TENT4B: variants seen among roughly 807,000 people sequenced by gnomAD.
TENT4B encodes the protein terminal nucleotidyltransferase 4B, also known as PAP associated domain containing 5.
Under a neutral mutation model 75.0 loss-of-function variants are expected in TENT4B, and 10 were observed. The observed-to-expected ratio is 0.13, with a 90% CI of 0.08 to 0.23. TENT4B has a LOEUF of 0.23. Ranked by LOEUF, TENT4B falls within the 10% of genes least tolerant of loss-of-function variation. TENT4B has a pLI of 1.00. For missense variants in TENT4B, 579 were observed against 893.8 expected, an observed-to-expected ratio of 0.65 and a Z score of 4.49; for synonymous variants, 350 against 357.7, an observed-to-expected ratio of 0.98 and a Z score of 0.24.
At chr16:50,175,102 A>C (rs1473267560) in intron 1 of TENT4B, among the ~76,000 whole-genome samples, 1 of 151,912 alleles carries the variant, frequency 6.6e-6, no homozygotes, top group Non-Finnish European at 1.5e-5. Flanking sequence ...TATGAGATCA[A>C]CTTTTTTTTA....
chr16:50,209,869 G>A (rs1210871962), intron 1 of TENT4B, among the ~76,000 whole-genome samples: 1 of 152,242 alleles, frequency 6.6e-6, no homozygotes, highest in Non-Finnish European at 1.5e-5. Flanking sequence ...TGTAGCAAAA[G>A]TTATAGTCTT....
At chr16:50,210,117 A>G (rs1263239444) in intron 1 of TENT4B, among the ~76,000 whole-genome samples, 1 of 152,040 alleles carries the variant, frequency 6.6e-6, no homozygotes, top group East Asian at 1.9e-4. Flanking sequence ...CTTCTGGTCT[A>G]TCCCAGTTGG....
At chr16:50,215,937 T>G in intron 3 of TENT4B, 138 bp from the exon 4 acceptor site, 3 of 991,806 alleles carry the variant, frequency 3.0e-6, no homozygotes, top group Non-Finnish European at 4.4e-6. Context: ...AAAACCATTA[T>G]CACCAACACA....
At position 50,233,707 on chromosome 16, in the gene TENT4B, T is replaced by C; in HGVS notation, c.*4379T>C. The C allele has an allele frequency of 1.0e-6, 1 of 984,916 alleles. No individual in the cohort carries two copies. Among genetic ancestry groups the C allele is most frequent in the Non-Finnish European group, 1.2e-6 (1 of 829,492 alleles). The allele number at this position is 984,916 out of a possible 1,614,324, so 61.0% of individuals were successfully genotyped here. On this transcript the variant is annotated 3_prime_UTR_variant, in exon 12 of 12. Coordinates refer to ENST00000561678, the MANE Select transcript of TENT4B (RefSeq NM_001365324.3). ...TTGGTTTTTTTAAAAAAAATGTGTT[T>C]GGCCTTTACATTTTCTACTTAAGTG...
At chr16:50,174,930 A>G (rs1442063325) in intron 1 of TENT4B, among the ~76,000 whole-genome samples, 1 of 151,864 alleles carries the variant, frequency 6.6e-6, no homozygotes, top group Non-Finnish European at 1.5e-5. Context: ...TTTAGTAGAG[A>G]TGGGGTTTCA....
chr16:50,191,817 G>C (rs182297583), intron 1 of TENT4B, among the ~76,000 whole-genome samples: 1 of 152,204 alleles, frequency 6.6e-6, no homozygotes, highest in East Asian at 1.9e-4. Context: ...TACTGGGGAG[G>C]CTGAGGCAGG....
chr16:50,153,315 AGCCGCCGCC>A lies in TENT4B; in HGVS notation c.-294_-286del, dbSNP rs1023664305. ...GCCGCCGCCGCTCGCTCTTCTGTGG[AGCCGCCGCC>A]GCCGCCGCCGCCATTTGCACGGGGA... On this transcript the variant is annotated 5_prime_UTR_variant, in exon 1 of 12. Transcript: ENST00000561678. 3.2e-4 allele frequency among the ~76,000 whole-genome samples: 44 copies of A among 135,928 alleles called. No individual in the cohort carries two copies. The highest frequency in any genetic ancestry group is 8.0e-3 in the Middle Eastern group (2 of 250). 89.2% of individuals were successfully genotyped at this position (135,928 alleles called of 152,430 possible).
At chr16:50,208,232 AC>A in intron 1 of TENT4B, among the ~76,000 whole-genome samples, 1 of 152,288 alleles carries the variant, frequency 6.6e-6, no homozygotes, top group South Asian at 2.1e-4. Context: ...AACCTGTGGA[AC>A]CATTTTTTCT....
In TENT4B at chr16:50,232,501, T is replaced by C. The variant is rs768962434; in HGVS notation, c.*3173T>C. The C allele has an allele frequency of 3.2e-5, 32 of 985,364 alleles. No homozygotes were observed. Among genetic ancestry groups the C allele is most frequent in the Non-Finnish European group, 3.7e-5 (31 of 829,968 alleles). 61.0% of individuals were successfully genotyped at this position (985,364 alleles called of 1,614,324 possible). A position where few individuals can be genotyped will look rare whatever the true frequency, so the allele number is the denominator to read the frequency against. ...ATTGTCTTTTTCTGCTGGAACCTTA[T>C]ATCTCTCCATGTGTTTTCTGCTCCT... is the stretch of plus-strand genomic sequence containing the variant. On this transcript the variant is annotated 3_prime_UTR_variant, in exon 12 of 12. Transcript: ENST00000561678.
intron 1 of TENT4B, among the ~76,000 whole-genome samples, chr16:50,166,420 C>T (rs2150675822): frequency 6.6e-6 from 1 of 152,226 alleles, no homozygotes; most frequent in African/African-American, 2.4e-5. Context: ...TTTATTATAG[C>T]CAATCTAGTG....
intron 11 of TENT4B, 105 bp from the exon 12 acceptor site, chr16:50,229,047 G>T: frequency 6.5e-7 from 1 of 1,529,928 alleles, no homozygotes; most frequent in South Asian, 1.3e-5. Context: ...TAACAATCTA[G>T]CCAGCATATT....
chr16:50,234,772 G>C lies in TENT4B; in HGVS notation c.*5444G>C. On this transcript the variant is annotated 3_prime_UTR_variant, in exon 12 of 12. Transcript: ENST00000561678. ...ACACATTGTTATGGGTGAAAAGTGAGGGACGACCAGTGTAGTTTCTGGATA... is the reference window on the plus strand; with the variant it reads ...ACACATTGTTATGGGTGAAAAGTGACGGACGACCAGTGTAGTTTCTGGATA... 1 of 985,472 alleles carries C rather than the reference G, an allele frequency of 1.0e-6. No homozygotes were observed. Among genetic ancestry groups the C allele is most frequent in the Non-Finnish European group, 1.2e-6 (1 of 829,942 alleles). 61.0% of individuals were successfully genotyped at this position (985,472 alleles called of 1,614,324 possible). A position where few individuals can be genotyped will look rare whatever the true frequency, so the allele number is the denominator to read the frequency against.
At chr16:50,178,075 G>A (rs1275002181) in intron 1 of TENT4B, among the ~76,000 whole-genome samples, 1 of 150,784 alleles carries the variant, frequency 6.6e-6, no homozygotes, top group African/African-American at 2.4e-5. Flanking sequence ...TGGTCTGAGA[G>A]CATACCTTGT....
Position 50,217,636 on chromosome 16 carries a change from A to C in TENT4B, c.1011A>C (p.Ala337=), listed in dbSNP as rs747998361. 4 of 1,531,966 alleles carry C rather than the reference A, an allele frequency of 2.6e-6. No individual in the cohort carries two copies. The highest frequency in any genetic ancestry group is 1.7e-4 in the Middle Eastern group (1 of 5,952). The allele number at this position is 1,531,966 out of a possible 1,614,324, so 94.9% of individuals were successfully genotyped here. ...TTAATGTACAGAATGGCGTGAGAGC[A>C]GCTGACCTCATCAAAGATTTTACCA... ...ISFNVQNGVR[A]ADLIKDFTKK... The change falls in exon 5 of 12, where the codon GCA becomes GCC. Residue 337 remains alanine (A), a synonymous_variant. Transcript: ENST00000561678.
chr16:50,153,181 G>GGT (rs1491183617), upstream of TENT4B: 1 of 142,792 alleles, frequency 7.0e-6, no homozygotes, highest in Non-Finnish European at 1.3e-5. Context: ...AGGGCGGGGC[G>GGT]GTGGGGGGGG....
chr16:50,198,839 A>G (rs1200851399), intron 1 of TENT4B, among the ~76,000 whole-genome samples: 1 of 152,258 alleles, frequency 6.6e-6, no homozygotes, highest in Non-Finnish European at 1.5e-5. Flanking sequence ...AGAAATAGCC[A>G]TAGATCTGAA....
intron 1 of TENT4B, among the ~76,000 whole-genome samples, chr16:50,185,072 C>G (rs1208837245): frequency 1.3e-5 from 2 of 152,098 alleles, no homozygotes; most frequent in African/African-American, 4.8e-5. Flanking sequence ...TTATTTCCAC[C>G]CTGATACTCT....
In TENT4B at chr16:50,232,710, G is replaced by A. The variant is rs540745047; in HGVS notation, c.*3382G>A. 5 of 985,290 alleles carry A rather than the reference G, an allele frequency of 5.1e-6. No individual in the cohort carries two copies. In the East Asian group the frequency reaches 5.7e-4, roughly 112 times the overall value. The allele number at this position is 985,290 out of a possible 1,614,324, so 61.0% of individuals were successfully genotyped here. A position where few individuals can be genotyped will look rare whatever the true frequency, so the allele number is the denominator to read the frequency against. On this transcript the variant is annotated 3_prime_UTR_variant, in exon 12 of 12. Transcript: ENST00000561678. ...AGTGACTAGGAGGTGTAGTTATTAA[G>A]GTTGATCTGTTAGAAATCACCATTA... is the stretch of plus-strand genomic sequence containing the variant.
rs966792246 is a variant in TENT4B, at chr16:50,230,335, C to T, written c.*1007C>T. On this transcript the variant is annotated 3_prime_UTR_variant, in exon 12 of 12. Coordinates refer to ENST00000561678, the MANE Select transcript of TENT4B (RefSeq NM_001365324.3). ...AAAAAAAAGGTCACCCATGTCTGGTCTCATTCCTGTTGCAGTGAAACTTCG... is the reference window on the plus strand; with the variant it reads ...AAAAAAAAGGTCACCCATGTCTGGTTTCATTCCTGTTGCAGTGAAACTTCG... 3.1e-6 allele frequency: 3 copies of T among 974,258 alleles called. No individual in the cohort carries two copies. Among genetic ancestry groups the T allele is most frequent in the Admixed American group, 1.3e-4 (2 of 15,344 alleles). The allele number at this position is 974,258 out of a possible 1,614,324, so 60.4% of individuals were successfully genotyped here. A position where few individuals can be genotyped will look rare whatever the true frequency, so the allele number is the denominator to read the frequency against.
Sources: gnomAD v4.1 joint callset for allele counts (sites outside exome capture counted in the v4.1 genomes callset) on GRCh38, gnomAD v4.1.1 for gene constraint, MANE v1.5 for transcripts, NCBI Gene and HGNC (gene_info 2026-07-23, HGNC 2026-07-21) for gene names.